TRAP1: variants seen among roughly 807,000 people sequenced by gnomAD.
TRAP1 encodes the protein heat shock protein 75 kDa, mitochondrial.
In TRAP1, 102 loss-of-function variants were observed where a neutral mutation model predicts 89.1. The ratio of observed to expected loss-of-function variants is 1.15; its 90% CI spans 0.98 to 1.35. The LOEUF (loss-of-function observed/expected upper bound fraction) is 1.35, where lower values mean the gene tolerates loss of function less well. Ranked by LOEUF, TRAP1 falls within the 40% of genes most tolerant of loss-of-function variation. The pLI is 0.00. For synonymous variants in TRAP1, 508 were observed against 388.0 expected (o/e 1.31, Z -3.64); for missense variants, 1,256 against 945.3 (o/e 1.33, Z -4.31).
At chr16:3,705,597 G>T (rs1249858449) in intron 1 of TRAP1, among the ~76,000 whole-genome samples, 1 of 152,156 alleles carries the variant, frequency 6.6e-6, no homozygotes, top group Non-Finnish European at 1.5e-5. Context: ...GCATGTATCA[G>T]CACCTCATTC....
rs760988419 is a variant in TRAP1 at position 3,690,902 on chromosome 16, G to A, written c.172C>T (p.Leu58=). The A allele has an allele frequency of 2.5e-6, 4 of 1,593,644 alleles. No homozygotes were observed. The highest frequency in any genetic ancestry group is 3.4e-6 in the Non-Finnish European group (4 of 1,170,374). Residue 58 remains leucine, a synonymous_variant, in exon 2 of 18, where the codon CTG becomes TTG. Coordinates refer to ENST00000246957, the MANE Select transcript of TRAP1 (RefSeq NM_016292.3). ...NPAWSLQAGR[L]FSTQTAEDKE... The stretch of plus-strand genomic sequence containing the variant: ...TCCTCGGCGGTCTGCGTGCTGAACA[G>A]TCGTCCTGCCTGCAAGCTCCAGGCT...
intron 16 of TRAP1, chr16:3,661,067 C>CAAAAAAGAAACTTCATAT (rs2043047286): frequency 1.3e-5 from 2 of 151,688 alleles, no homozygotes; most frequent in Admixed American, 1.3e-4. Context: ...AAATTTCCCC[C>CAAAAAAGAAACTTCATAT]AAAAAAGAAA....
At chr16:3,681,920 C>T (rs569112824) in intron 4 of TRAP1, among the ~76,000 whole-genome samples, 4 of 152,100 alleles carry the variant, frequency 2.6e-5, no homozygotes, top group Non-Finnish European at 5.9e-5. Flanking sequence ...TTTTGAAGAA[C>T]GAAGTTGGAG....
intron 6 of TRAP1, 81 bp downstream of exon 6, chr16:3,677,417 T>C: frequency 6.4e-7 from 1 of 1,570,894 alleles, no homozygotes; most frequent in Non-Finnish European, 8.7e-7. Flanking sequence ...GTACGTTTTC[T>C]GAGTCCATCC....
rs1372816362 is a variant in TRAP1, at chr16:3,675,460, A to C, written c.815-63T>G. The C allele has an allele frequency of 3.9e-6, 6 of 1,539,962 alleles. No individual in the cohort carries two copies. In the South Asian group the frequency reaches 5.6e-5, roughly 14 times the overall value. Reference sequence around the variant, plus strand: ...ATGCTTGTGGAAACGCAAGCTTTGCAGCAGCTCCAGGATGAGCGCCAGCCT... The same window carrying C: ...ATGCTTGTGGAAACGCAAGCTTTGCCGCAGCTCCAGGATGAGCGCCAGCCT... On this transcript the variant is annotated intron_variant, in intron 7 of 17. Coordinates refer to ENST00000246957, the MANE Select transcript of TRAP1 (RefSeq NM_016292.3).
intron 1 of TRAP1, among the ~76,000 whole-genome samples, chr16:3,713,655 G>A (rs1009798933): frequency 2.6e-5 from 4 of 152,224 alleles, no homozygotes; most frequent in African/African-American, 9.6e-5. Context: ...GGTGATTGTG[G>A]CAGTCACCTC....
chr16:3,673,355 G>A (rs2050941550), intron 9 of TRAP1, among the ~76,000 whole-genome samples: 1 of 152,216 alleles, frequency 6.6e-6, no homozygotes, highest in African/African-American at 2.4e-5. Flanking sequence ...AGGGTTAGTG[G>A]CTACGAAAGA....
chr16:3,672,387 AC>A (rs2050925748), intron 10 of TRAP1, among the ~76,000 whole-genome samples: 1 of 152,138 alleles, frequency 6.6e-6, no homozygotes, highest in Non-Finnish European at 1.5e-5. Flanking sequence ...AGGCTTAAAT[AC>A]TGAAGTCTTT....
At chr16:3,698,459 T>C (rs903300553) in intron 1 of TRAP1, among the ~76,000 whole-genome samples, 3 of 151,932 alleles carry the variant, frequency 2.0e-5, no homozygotes, top group Admixed American at 6.6e-5. Context: ...CCCGCCACCA[T>C]GCCCGGCTAA....
chr16:3,710,848 T>C (rs911261588), intron 1 of TRAP1, among the ~76,000 whole-genome samples: 2 of 122,732 alleles, frequency 1.6e-5, no homozygotes, highest in African/African-American at 6.7e-5. Context: ...TTCTTTTATA[T>C]GTGTGTGTGT....
At chr16:3,685,132 G>A (rs187540593) in intron 4 of TRAP1, among the ~76,000 whole-genome samples, 253 of 152,242 alleles carry the variant, frequency 1.7e-3, no homozygotes, top group African/African-American at 4.9e-3. Context: ...AGCACAGGGC[G>A]CTGCAGCCCT....
rs1567228745 is a variant in TRAP1 at position 3,671,752 on chromosome 16, CGGCTGA to C, written c.1199_1204del (p.Leu400_Ser401del). 1 of 1,613,182 alleles carries C rather than the reference CGGCTGA, an allele frequency of 6.2e-7. No homozygotes were observed. The highest frequency in any genetic ancestry group is 1.7e-5 in the Admixed American group (1 of 60,022). Reference sequence around the variant, plus strand: ...GAGTGCGCTCTCCTGCAGCAGCTCCCGGCTGAGGTTCAGGGGAATGTCCTCACTGTC... The same window carrying C: ...GAGTGCGCTCTCCTGCAGCAGCTCCCGGTTCAGGGGAATGTCCTCACTGTC... On this transcript the variant is annotated inframe_deletion, in exon 11 of 18. Coordinates refer to ENST00000246957, the MANE Select transcript of TRAP1 (RefSeq NM_016292.3).
At chr16:3,659,132 C>T (rs529953165) in intron 16 of TRAP1, 108 of 373,638 alleles carry the variant, frequency 2.9e-4, no homozygotes, top group African/African-American at 1.9e-3. Flanking sequence ...GAGCTTAGTA[C>T]GTGAAGACAT....
intron 1 of TRAP1, among the ~76,000 whole-genome samples, chr16:3,714,163 CTT>C (rs1567249909): frequency 6.6e-6 from 1 of 152,178 alleles, no homozygotes; most frequent in African/African-American, 2.4e-5. Flanking sequence ...GCAAGCAGCT[CTT>C]GTTTCTCTAA....
At chr16:3,698,928 G>A (rs1445562884) in intron 1 of TRAP1, among the ~76,000 whole-genome samples, 1 of 151,910 alleles carries the variant, frequency 6.6e-6, no homozygotes, top group East Asian at 1.9e-4. Flanking sequence ...ACCATTAGAG[G>A]AATAAATCTG....
chr16:3,695,670 G>T (rs546132165), intron 1 of TRAP1, among the ~76,000 whole-genome samples: 1 of 152,086 alleles, frequency 6.6e-6, no homozygotes, highest in Non-Finnish European at 1.5e-5. Context: ...CACTCTGAAA[G>T]AAGAACTAAC....
At chr16:3,707,058 G>C (rs888587683) in intron 1 of TRAP1, among the ~76,000 whole-genome samples, 4 of 151,080 alleles carry the variant, frequency 2.6e-5, no homozygotes, top group African/African-American at 9.7e-5. Flanking sequence ...TTTTGTTGTT[G>C]TTTCTTTAAT....
chr16:3,669,743 G>C (rs987973736), intron 11 of TRAP1, among the ~76,000 whole-genome samples: 1 of 146,382 alleles, frequency 6.8e-6, no homozygotes, highest in Non-Finnish European at 1.5e-5. Flanking sequence ...TGAGACAGGA[G>C]AATGGCATGA....
rs774331125 is a variant in TRAP1, at chr16:3,658,208, G to A, written c.2036C>T (p.Ala679Val). Residue 679 changes from alanine to valine, a missense_variant, in exon 18 of 18, where the codon GCT becomes GTT. Physicochemically the swap from Ala to Val is moderately conservative, Grantham distance 64. Transcript: ENST00000246957. The part of the protein sequence containing the change: ...VDQIYENAMI[A>V]AGLVDDPRAM... ...CCTAGGGTCGTCAACAAGTCCAGCA[G>A]CAATCATGGCGTTCTCGTATATCTG... The A allele has an allele frequency of 3.1e-6, 5 of 1,613,898 alleles. No individual in the cohort carries two copies. In the Admixed American group the frequency reaches 5.0e-5, roughly 16 times the overall value.
Sources: gnomAD v4.1 joint callset for allele counts (sites outside exome capture counted in the v4.1 genomes callset) on GRCh38, gnomAD v4.1.1 for gene constraint, MANE v1.5 for transcripts, NCBI Gene and HGNC (gene_info 2026-07-23, HGNC 2026-07-21) for gene names.